The following DHRS4L2 variants were observed in gnomAD, a reference collection of about 807,000 sequenced individuals.
DHRS4L2 encodes the protein dehydrogenase/reductase 4 like 2.
A neutral mutation model predicts 23.9 loss-of-function variants in DHRS4L2; 22 were observed. That is an observed-to-expected ratio of 0.92 (90% CI 0.66 to 1.31). The LOEUF (loss-of-function observed/expected upper bound fraction) is 1.31. DHRS4L2 is among the 40% of genes most tolerant of loss of function. The pLI is 0.00. For missense variants in DHRS4L2, 385 were observed against 303.3 expected (o/e 1.27, Z -2.00); for synonymous variants, 141 against 123.7 (o/e 1.14, Z -0.93).
Position 23,989,175 on chromosome 14 carries a change from T to C in DHRS4L2, c.128+100T>C, listed in dbSNP as rs1594463979. 8 of 1,505,702 alleles carry C rather than the reference T, an allele frequency of 5.3e-6. No individual in the cohort carries two copies. In the African/African-American group the frequency reaches 6.9e-5, roughly 13 times the overall value. 93.3% of individuals were successfully genotyped at this position (1,505,702 alleles called of 1,614,324 possible). A position where few individuals can be genotyped will look rare whatever the true frequency, so the allele number is the denominator to read the frequency against. ...AGTGCCCCTGTCCTCAGACCTCACA[T>C]ACCGCCAAAGTCTGGCCATGGAAAA... is the stretch of plus-strand genomic sequence containing the variant. On this transcript the variant is annotated intron_variant, in intron 1 of 7. Transcript: ENST00000335125.
At chr14:23,998,481 G>A (rs541330709) in intron 3 of DHRS4L2, among the ~76,000 whole-genome samples, 2 of 150,404 alleles carry the variant, frequency 1.3e-5, no homozygotes, top group Admixed American at 1.3e-4. Context: ...GTTGTTTGCT[G>A]TAGCCACCTT....
chr14:23,974,383 A>G (rs191424308), intron 1 of DHRS4L2, among the ~76,000 whole-genome samples: 3 of 151,688 alleles, frequency 2.0e-5, no homozygotes, highest in Non-Finnish European at 2.9e-5. Context: ...GCAGAAGACA[A>G]CAAATAATGA....
chr14:23,991,508 T>A (rs775033881), intron 2 of DHRS4L2, among the ~76,000 whole-genome samples: 4 of 151,748 alleles, frequency 2.6e-5, no homozygotes, highest in Non-Finnish European at 4.4e-5. Flanking sequence ...TAACATGGCC[T>A]ACAGGCCTGG....
At chr14:23,990,948 A>T (rs1425120240) in intron 2 of DHRS4L2, 2 of 855,726 alleles carry the variant, frequency 2.3e-6, no homozygotes, top group Non-Finnish European at 2.8e-6. Context: ...CCTGTGGACT[A>T]CCAGGTACTG....
upstream of DHRS4L2, among the ~76,000 whole-genome samples, chr14:23,986,903 T>G (rs760452773): frequency 2.0e-5 from 3 of 151,566 alleles, no homozygotes; most frequent in Non-Finnish European, 4.4e-5. Context: ...GCTTCCAGCC[T>G]CTGTCAATAA....
chr14:23,976,197 C>A (rs2033960045), intron 1 of DHRS4L2, among the ~76,000 whole-genome samples: 1 of 151,730 alleles, frequency 6.6e-6, no homozygotes. Flanking sequence ...AAAATTCTTG[C>A]AATCTATCCA....
chr14:23,987,022 C>T (rs1234406639), upstream of DHRS4L2, among the ~76,000 whole-genome samples: 3 of 151,762 alleles, frequency 2.0e-5, 1 homozygote. Context: ...AGTAGCAAAG[C>T]AGAGTGCTGC....
intron 1 of DHRS4L2, among the ~76,000 whole-genome samples, chr14:23,981,115 G>A (rs139005138): frequency 0.015 from 2,211 of 151,624 alleles, no homozygotes; most frequent in African/African-American, 0.051. Context: ...AAAGTCTCAG[G>A]ATACAAAATC....
intron 1 of DHRS4L2, among the ~76,000 whole-genome samples, chr14:23,972,744 A>C (rs2033887061): frequency 6.6e-6 from 1 of 152,016 alleles, no homozygotes; most frequent in Non-Finnish European, 1.5e-5. Context: ...GAATTCCCTC[A>C]GTTTTTATTG....
At chr14:23,973,389 G>A (rs377220187) in intron 1 of DHRS4L2, among the ~76,000 whole-genome samples, 10 of 151,866 alleles carry the variant, frequency 6.6e-5, no homozygotes, top group Admixed American at 3.3e-4. Flanking sequence ...CCTGCAATCT[G>A]AGGAAGCCAG....
At chr14:23,971,293 T>C (rs6573498) in intron 1 of DHRS4L2, among the ~76,000 whole-genome samples, 5,952 of 152,022 alleles carry the variant, frequency 0.039, 361 homozygotes, top group African/African-American at 0.12. Context: ...ATGAAGAATG[T>C]AGAGAAGAGC....
In DHRS4L2 at chr14:23,974,571, C is replaced by A. The variant is rs576219252; in HGVS notation, c.-176+4239C>A. Among the ~76,000 whole-genome samples, 6 of 151,870 alleles carry A rather than the reference C, an allele frequency of 4.0e-5. 1 individual carries two copies. Among genetic ancestry groups the A allele is most frequent in the African/African-American group, 1.4e-4 (6 of 41,436 alleles). ...ATAAAAAATCATAAAGGGGATATCACCAGTGATCCCACAGAAATACACACT... is the reference window on the plus strand; with the variant it reads ...ATAAAAAATCATAAAGGGGATATCAACAGTGATCCCACAGAAATACACACT... On this transcript the variant is annotated intron_variant, in intron 1 of 5. Transcript: ENST00000534993.
Position 23,977,821 on chromosome 14 carries a change from A to C in DHRS4L2, c.-176+7489A>C, listed in dbSNP as rs772048583. Among the ~76,000 whole-genome samples, 11 of 151,544 alleles carry C rather than the reference A, an allele frequency of 7.3e-5. 1 individual carries two copies. The highest frequency in any genetic ancestry group is 1.5e-4 in the Non-Finnish European group (10 of 67,950). On this transcript the variant is annotated intron_variant, in intron 1 of 5. Coordinates refer to the DHRS4L2 transcript ENST00000534993. The stretch of plus-strand genomic sequence containing the variant: ...GCTTTGCTTAGACCAGATGACAAAA[A>C]CCCACAATTATTGCACCCTCTAAAA...
upstream of DHRS4L2, among the ~76,000 whole-genome samples, chr14:23,984,913 G>A (rs944424488): frequency 2.6e-5 from 4 of 151,376 alleles, 1 homozygote; most frequent in African/African-American, 9.7e-5. Flanking sequence ...GGAAGAAGGG[G>A]TCAGGGGGCT....
upstream of DHRS4L2, chr14:23,987,419 C>T (rs1161470978): frequency 8.9e-5 from 16 of 179,350 alleles, no homozygotes; most frequent in South Asian, 2.4e-4. Context: ...TGAGCCACCA[C>T]GCCCAGCTGA....
At position 24,004,399 on chromosome 14, in the gene DHRS4L2, T is replaced by G. The variant is rs776231142; in HGVS notation, c.*22+7T>G. The G allele has an allele frequency of 8.1e-6, 13 of 1,598,066 alleles. 1 individual carries two copies. The highest frequency in any genetic ancestry group is 1.7e-5 in the Admixed American group (1 of 58,948). On this transcript the variant is annotated splice_region_variant and intron_variant, in intron 7 of 7. Coordinates refer to ENST00000335125, the MANE Select transcript of DHRS4L2 (RefSeq NM_198083.4). ...AAACCCTGCGGATAAGAAGGTAAAC[T>G]GTCATGAGGGCAAGGGCACTAAGAG...
chr14:23,988,184 A>G (rs2034187839), upstream of DHRS4L2, among the ~76,000 whole-genome samples: 1 of 150,590 alleles, frequency 6.6e-6, no homozygotes, highest in Non-Finnish European at 1.5e-5. Flanking sequence ...ACCTGGGGAC[A>G]GAGTGGTTAG....
rs2034076327 is a variant in DHRS4L2, at chr14:23,982,756, G to T, written c.-175-7426G>T. Among the ~76,000 whole-genome samples the T allele has an allele frequency of 2.6e-5, 4 of 151,578 alleles. No individual in the cohort carries two copies. The South Asian group carries it at 8.4e-4, about 32-fold the overall frequency. On this transcript the variant is annotated intron_variant, in intron 1 of 5. Coordinates refer to the DHRS4L2 transcript ENST00000534993. ...TGGGAAAGCTGGCTAGCCGTAGGCA[G>T]AAAACTGAAACTGGACCCCTTCCTT...
intron 1 of DHRS4L2, among the ~76,000 whole-genome samples, chr14:23,989,436 T>C (rs1270931847): frequency 2.0e-5 from 3 of 151,568 alleles, no homozygotes; most frequent in Admixed American, 2.0e-4. Flanking sequence ...GGCCTCCAGC[T>C]TTTTGAAAAT....
Sources: gnomAD v4.1 joint callset for allele counts (sites outside exome capture counted in the v4.1 genomes callset) on GRCh38, gnomAD v4.1.1 for gene constraint, MANE v1.5 for transcripts, NCBI Gene and HGNC (gene_info 2026-07-23, HGNC 2026-07-21) for gene names.